Variants in LRRFIP2 observed in about 807,000 individuals in gnomAD.
LRRFIP2 encodes the protein LRR binding FLII interacting protein 2, also known as leucine-rich repeat flightless-interacting protein 2.
LRRFIP2 carries 109 observed loss-of-function variants against 125.9 expected under a neutral mutation model. The ratio of observed to expected loss-of-function variants is 0.87; its 90% CI spans 0.74 to 1.01. The LOEUF is 1.01. Ranked by LOEUF, LRRFIP2 falls within the 50% of genes least tolerant of loss-of-function variation. The probability of loss-of-function intolerance (pLI) is 0.00; values close to 1 mark genes in which losing one functional copy is unlikely to be tolerated. For synonymous variants in LRRFIP2, 291 were observed against 293.1 expected, an observed-to-expected ratio of 0.99 and a Z score of 0.07; for missense variants, 850 against 862.3, an observed-to-expected ratio of 0.99 and a Z score of 0.18.
At chr3:37,084,621 G>A (rs890120216) in intron 18 of LRRFIP2, among the ~76,000 whole-genome samples, 10 of 152,092 alleles carry the variant, frequency 6.6e-5, no homozygotes, top group African/African-American at 9.7e-5. Context: ...AGCAGAGATT[G>A]TGCCACCGCA....
chr3:37,146,714 A>G (rs2095864350), intron 2 of LRRFIP2, among the ~76,000 whole-genome samples: 2 of 152,220 alleles, frequency 1.3e-5, no homozygotes, highest in Admixed American at 1.3e-4. Context: ...CCAGTCTATC[A>G]CTGATGGGCA....
intron 4 of LRRFIP2, among the ~76,000 whole-genome samples, chr3:37,126,554 A>C (rs2149644181): frequency 6.6e-6 from 1 of 151,178 alleles, no homozygotes; most frequent in Non-Finnish European, 1.5e-5. Context: ...AATTTCACAG[A>C]GGTTTAAAAA....
At chr3:37,173,969 T>G (rs997877898) in intron 1 of LRRFIP2, 12 of 152,248 alleles carry the variant, frequency 7.9e-5, no homozygotes, top group Admixed American at 7.2e-4. Context: ...TTACGGTGAT[T>G]TCCAAAAGGG....
chr3:37,089,992 T>C (rs1265312323), intron 18 of LRRFIP2, among the ~76,000 whole-genome samples: 4 of 152,216 alleles, frequency 2.6e-5, no homozygotes, highest in Non-Finnish European at 4.4e-5. Context: ...GCACTTCCCA[T>C]TGGACTTCTC....
chr3:37,070,347 C>A (rs1005404321), intron 21 of LRRFIP2, among the ~76,000 whole-genome samples: 16 of 151,458 alleles, frequency 1.1e-4, no homozygotes, highest in African/African-American at 3.9e-4. Context: ...CTCTTGACCT[C>A]AAGGGATCCA....
In LRRFIP2 at chr3:37,121,588, G is replaced by C. The variant is rs184568979; in HGVS notation, c.285+47C>G. On this transcript the variant is annotated intron_variant, in intron 5 of 27. Coordinates refer to ENST00000336686, the MANE Select transcript of LRRFIP2 (RefSeq NM_006309.4). The stretch of plus-strand genomic sequence containing the variant: ...AAAAGTTTGTGAGTGATTACATTAA[G>C]CTAATGAGGAAAAGTATTAGAGGCA... The C allele has an allele frequency of 1.7e-4, 276 of 1,612,296 alleles. 1 individual carries two copies. The African/African-American group carries it at 3.1e-3, about 18-fold the overall frequency.
At chr3:37,134,971 A>G in intron 2 of LRRFIP2, 1 of 1,510,838 alleles carries the variant, frequency 6.6e-7, no homozygotes, top group Non-Finnish European at 9.2e-7. Context: ...AAGTTCTTTT[A>G]TCCATTTGTT....
chr3:37,111,542 C>A (rs907223973), intron 8 of LRRFIP2, among the ~76,000 whole-genome samples: 1 of 152,198 alleles, frequency 6.6e-6, no homozygotes, highest in South Asian at 2.1e-4. Context: ...AAAACACTTA[C>A]GGCAGGTTCA....
At chr3:37,129,023 G>T in intron 3 of LRRFIP2, 40 bp downstream of exon 3, 1 of 1,562,206 alleles carries the variant, frequency 6.4e-7, no homozygotes, top group South Asian at 1.1e-5. Context: ...CTGATTTTGG[G>T]GGAGACAAAT....
chr3:37,126,717 G>A (rs2095287735), intron 4 of LRRFIP2, among the ~76,000 whole-genome samples: 1 of 151,932 alleles, frequency 6.6e-6, no homozygotes. Flanking sequence ...AAATCAGCTG[G>A]GCATGGTGGC....
intron 21 of LRRFIP2, 114 bp from the exon 22 acceptor site, chr3:37,066,439 A>C (rs2090165658): frequency 6.3e-6 from 5 of 798,942 alleles, no homozygotes; most frequent in African/African-American, 1.7e-5. Context: ...AAAGCAAGAA[A>C]GCAGTCAAAA....
intron 14 of LRRFIP2, among the ~76,000 whole-genome samples, chr3:37,103,855 T>C (rs2094191421): frequency 6.6e-6 from 1 of 152,232 alleles, no homozygotes; most frequent in Non-Finnish European, 1.5e-5. Flanking sequence ...AAATCTAGTC[T>C]GACTGGCTTA....
At position 37,092,536 on chromosome 3, in the gene LRRFIP2, A is replaced by T. The variant is rs906555055; in HGVS notation, c.1036-998T>A. Among the ~76,000 whole-genome samples, 8 of 152,248 alleles carry T rather than the reference A, an allele frequency of 5.3e-5. 1 individual carries two copies. The highest frequency in any genetic ancestry group is 1.2e-4 in the Non-Finnish European group (8 of 68,038). Reference sequence around the variant, plus strand: ...TCTCTCAAGGAAGAAAAAACAAGCAACAAGTAGTATGACAAAAGAAAGCTA... The same window carrying T: ...TCTCTCAAGGAAGAAAAAACAAGCATCAAGTAGTATGACAAAAGAAAGCTA... On this transcript the variant is annotated intron_variant, in intron 17 of 27. Transcript: ENST00000336686.
intron 24 of LRRFIP2, among the ~76,000 whole-genome samples, chr3:37,059,764 T>C (rs1004496673): frequency 6.6e-6 from 1 of 151,020 alleles, no homozygotes; most frequent in Admixed American, 6.6e-5. Context: ...TCCAGCCTGG[T>C]GACAGAGCGA....
intron 1 of LRRFIP2, among the ~76,000 whole-genome samples, chr3:37,169,034 A>G (rs974194726): frequency 1.3e-5 from 2 of 152,228 alleles, no homozygotes; most frequent in African/African-American, 2.4e-5. Context: ...GTCTACAGTT[A>G]TAGTATTCAG....
chr3:37,055,248 AG>A, intron 25 of LRRFIP2, 83 bp from the exon 26 acceptor site: 1 of 780,180 alleles, frequency 1.3e-6, no homozygotes, highest in Non-Finnish European at 2.1e-6. Context: ...TGTGGCACAG[AG>A]AGGACCATGC....
At chr3:37,085,640 G>T (rs1346738600) in intron 18 of LRRFIP2, among the ~76,000 whole-genome samples, 1 of 150,166 alleles carries the variant, frequency 6.7e-6, no homozygotes, top group Admixed American at 6.6e-5. Context: ...GGAGTGCAAT[G>T]GCGCGATCTT....
intron 9 of LRRFIP2, 122 bp from the exon 10 acceptor site, chr3:37,109,825 G>T: frequency 1.3e-6 from 1 of 783,066 alleles, no homozygotes. Context: ...AGCAATTCCT[G>T]AGTGCTTAAG....
intron 18 of LRRFIP2, among the ~76,000 whole-genome samples, chr3:37,088,785 A>G (rs544256671): frequency 6.6e-6 from 1 of 152,294 alleles, no homozygotes; most frequent in Non-Finnish European, 1.5e-5. Context: ...TGACAGAGCA[A>G]GAGACCTTGT....
Sources: allele counts gnomAD v4.1 joint callset (sites outside exome capture counted in the v4.1 genomes callset), GRCh38; gene constraint gnomAD v4.1.1; transcripts MANE v1.5; gene names NCBI Gene and HGNC (gene_info 2026-07-23, HGNC 2026-07-21).